The following TM9SF3 variants were observed in gnomAD, a reference collection of about 807,000 sequenced individuals.
TM9SF3 encodes the protein SM-11044-binding protein.
A neutral mutation model predicts 78.6 loss-of-function variants in TM9SF3; 14 were observed. The observed-to-expected ratio is 0.18, with a 90% CI of 0.12 to 0.28. The LOEUF (loss-of-function observed/expected upper bound fraction) is 0.28, where lower values mean the gene tolerates loss of function less well. TM9SF3 is among the 10% of genes least tolerant of loss of function. TM9SF3 has a pLI of 1.00. For synonymous variants in TM9SF3, 231 were observed against 241.7 expected, an observed-to-expected ratio of 0.96 and a Z score of 0.41; for missense variants, 496 against 721.9, an observed-to-expected ratio of 0.69 and a Z score of 3.59.
rs1399214633 is a variant in TM9SF3 at position 96,552,853 on chromosome 10, G to A, written c.792+75C>T. 4 of 1,309,138 alleles carry A rather than the reference G, an allele frequency of 3.1e-6. No individual in the cohort carries two copies. In the East Asian group the frequency reaches 1.1e-4, roughly 37 times the overall value. 81.1% of individuals were successfully genotyped at this position (1,309,138 alleles called of 1,614,324 possible). A position where few individuals can be genotyped will look rare whatever the true frequency, so the allele number is the denominator to read the frequency against. On this transcript the variant is annotated intron_variant, in intron 6 of 14. Coordinates refer to ENST00000371142, the MANE Select transcript of TM9SF3 (RefSeq NM_020123.4). ...TCAAAGACTTCCGGTAAGAAATTAT[G>A]ACCTACCTCCCAACATTTAAAACTT... is the stretch of plus-strand genomic sequence containing the variant.
At position 96,519,276 on chromosome 10, in the gene TM9SF3, C is replaced by G. The variant is rs1311873738; in HGVS notation, c.*2987G>C. On this transcript the variant is annotated 3_prime_UTR_variant, in exon 15 of 15. Coordinates refer to ENST00000371142, the MANE Select transcript of TM9SF3 (RefSeq NM_020123.4). ...AAGAACTGGATTTTGCAGCAACCAA[C>G]TTTATAAAGAGGTCCATCCACTCTC... The G allele has an allele frequency of 6.6e-6, 1 of 151,964 alleles. No homozygotes were observed. The highest frequency in any genetic ancestry group is 1.5e-5 in the Non-Finnish European group (1 of 67,884). The allele number at this position is 151,964 out of a possible 1,614,324, so 9.4% of individuals were successfully genotyped here.
chr10:96,557,745 T>C (rs1848252928), intron 5 of TM9SF3, among the ~76,000 whole-genome samples: 1 of 152,220 alleles, frequency 6.6e-6, no homozygotes, highest in African/African-American at 2.4e-5. Flanking sequence ...ATCCACATTC[T>C]TTATTTCCTT....
chr10:96,550,234 T>C (rs1041033462), intron 7 of TM9SF3, among the ~76,000 whole-genome samples: 4 of 152,174 alleles, frequency 2.6e-5, no homozygotes, highest in African/African-American at 9.7e-5. Flanking sequence ...CTGAATACCT[T>C]CCACATGCAA....
rs1420084978 is a variant in TM9SF3, at chr10:96,520,277, TG to T, written c.*1985del. 1 of 151,814 alleles carries T rather than the reference TG, an allele frequency of 6.6e-6. No homozygotes were observed. Among genetic ancestry groups the T allele is most frequent in the African/African-American group, 2.4e-5 (1 of 41,400 alleles). 9.4% of individuals were successfully genotyped at this position (151,814 alleles called of 1,614,324 possible). On this transcript the variant is annotated 3_prime_UTR_variant, in exon 15 of 15. Transcript: ENST00000371142. ...AAGGCAAGTAAGAAGGAAGAGAAAA[TG>T]GAAGTACCAATAAATTATATTTAAT...
chr10:96,518,342 C>T lies in TM9SF3; in HGVS notation c.*3921G>A, dbSNP rs1463299465. The T allele has an allele frequency of 6.6e-6, 1 of 152,186 alleles. No homozygotes were observed. Among genetic ancestry groups the T allele is most frequent in the East Asian group, 1.9e-4 (1 of 5,206 alleles). 9.4% of individuals were successfully genotyped at this position (152,186 alleles called of 1,614,324 possible). A position where few individuals can be genotyped will look rare whatever the true frequency, so the allele number is the denominator to read the frequency against. On this transcript the variant is annotated 3_prime_UTR_variant, in exon 15 of 15. Transcript: ENST00000371142. The stretch of plus-strand genomic sequence containing the variant: ...TGTCCATGCTCTGTGGGGACTTACA[C>T]ATTCAAGTTTGACAGTTGAAAAACC...
In TM9SF3 at chr10:96,586,472, G is replaced by A. The variant is rs549567591; in HGVS notation, c.102+262C>T. Among the ~76,000 whole-genome samples the A allele has an allele frequency of 2.0e-5, 3 of 152,216 alleles. No individual in the cohort carries two copies. The South Asian group carries it at 6.2e-4, about 32-fold the overall frequency. Reference sequence around the variant, plus strand: ...GGCCCCAGGGTCCCAGGAACCCCGAGACCCTGGGGTGCGGCGCCACTGAGG... The same window carrying A: ...GGCCCCAGGGTCCCAGGAACCCCGAAACCCTGGGGTGCGGCGCCACTGAGG... On this transcript the variant is annotated intron_variant, in intron 1 of 14. Transcript: ENST00000371142.
intron 8 of TM9SF3, among the ~76,000 whole-genome samples, chr10:96,544,507 A>AG (rs1378895866): frequency 6.6e-6 from 1 of 152,138 alleles, no homozygotes; most frequent in Non-Finnish European, 1.5e-5. Context: ...TGGCCTAGAA[A>AG]GGGGTTTTTA....
intron 9 of TM9SF3, among the ~76,000 whole-genome samples, chr10:96,542,255 T>C (rs1289181048): frequency 1.3e-5 from 2 of 152,264 alleles, no homozygotes; most frequent in Admixed American, 6.5e-5. Flanking sequence ...ACACACCTAA[T>C]TAAAACATGA....
chr10:96,586,721 CGG>C lies in TM9SF3; in HGVS notation c.102+11_102+12del. ...GCTAGCCCGGGGCGGCCGCGCCGGC[CGG>C]GGCGCCTCACCGTGTGTTCGTGCTC... On this transcript the variant is annotated intron_variant, in intron 1 of 14. Transcript: ENST00000371142. 8.2e-7 allele frequency: 1 copy of C among 1,222,960 alleles called. No homozygotes were observed. The highest frequency in any genetic ancestry group is 1.0e-6 in the Non-Finnish European group (1 of 982,062). The allele number at this position is 1,222,960 out of a possible 1,614,324, so 75.8% of individuals were successfully genotyped here. A position where few individuals can be genotyped will look rare whatever the true frequency, so the allele number is the denominator to read the frequency against.
chr10:96,543,404 G>A (rs1374135704), intron 9 of TM9SF3, among the ~76,000 whole-genome samples: 4 of 144,932 alleles, frequency 2.8e-5, no homozygotes, highest in African/African-American at 7.7e-5. Context: ...GCGTGATCTC[G>A]GCTCACTGCA....
chr10:96,532,381 T>G (rs1217926916), intron 10 of TM9SF3, among the ~76,000 whole-genome samples: 1 of 151,724 alleles, frequency 6.6e-6, no homozygotes, highest in African/African-American at 2.4e-5. Flanking sequence ...CATGCCTCCA[T>G]GTCTAGAAGG....
chr10:96,580,224 G>C (rs7087748), intron 1 of TM9SF3, among the ~76,000 whole-genome samples: 3,077 of 152,138 alleles, frequency 0.02, 117 homozygotes, highest in African/African-American at 0.071. Context: ...TGGCCAAAAC[G>C]GTTTATGATA....
chr10:96,520,669 T>C lies in TM9SF3; in HGVS notation c.*1594A>G. The stretch of plus-strand genomic sequence containing the variant: ...ATAGTTCCAGAAAAATGTATTCAAA[T>C]CACTTCTCTTACAAAACTGTAACCT... On this transcript the variant is annotated 3_prime_UTR_variant, in exon 15 of 15. Transcript: ENST00000371142. 2.6e-6 allele frequency: 1 copy of C among 384,496 alleles called. No individual in the cohort carries two copies. The highest frequency in any genetic ancestry group is 4.6e-6 in the Non-Finnish European group (1 of 216,554). The allele number at this position is 384,496 out of a possible 1,614,324, so 23.8% of individuals were successfully genotyped here. A position where few individuals can be genotyped will look rare whatever the true frequency, so the allele number is the denominator to read the frequency against.
Position 96,518,750 on chromosome 10 carries a change from C to T in TM9SF3, c.*3513G>A, listed in dbSNP as rs1300848065. 6.6e-5 allele frequency: 10 copies of T among 152,134 alleles called. No individual in the cohort carries two copies. The highest frequency in any genetic ancestry group is 5.9e-4 in the Admixed American group (9 of 15,262). The allele number at this position is 152,134 out of a possible 1,614,324, so 9.4% of individuals were successfully genotyped here. A position where few individuals can be genotyped will look rare whatever the true frequency, so the allele number is the denominator to read the frequency against. On this transcript the variant is annotated 3_prime_UTR_variant, in exon 15 of 15. Coordinates refer to ENST00000371142, the MANE Select transcript of TM9SF3 (RefSeq NM_020123.4). Reference sequence around the variant, plus strand: ...TTCTGCAGGTTCATATGTTAACGTTCTGATCTAGCCTACCTGTAAGTCTAG... The same window carrying T: ...TTCTGCAGGTTCATATGTTAACGTTTTGATCTAGCCTACCTGTAAGTCTAG...
At chr10:96,535,033 C>T (rs1486403407) in intron 9 of TM9SF3, among the ~76,000 whole-genome samples, 2 of 152,184 alleles carry the variant, frequency 1.3e-5, no homozygotes, top group Non-Finnish European at 2.9e-5. Context: ...AAAAGTACTA[C>T]TACAGCACAA....
intron 2 of TM9SF3, among the ~76,000 whole-genome samples, chr10:96,566,183 T>C (rs1398057871): frequency 6.6e-6 from 1 of 152,170 alleles, no homozygotes. Context: ...TTTTGGTATA[T>C]TAAGCAATTA....
Position 96,586,818 on chromosome 10 carries a change from G to T in TM9SF3, c.18C>A (p.Gly6=). The change falls in exon 1 of 15, where the codon GGC becomes GGA. Residue 6 remains glycine (G), a synonymous_variant. Coordinates refer to ENST00000371142, the MANE Select transcript of TM9SF3 (RefSeq NM_020123.4). The part of the protein sequence containing the change: MRPLP[G]ALGVAAAAAL... The stretch of plus-strand genomic sequence containing the variant: ...CGGCGGCCGCCGCCACGCCAAGAGC[G>T]CCAGGCAGCGGCCTCATCCTCCGCG... The T allele has an allele frequency of 1.6e-6, 2 of 1,255,264 alleles. No homozygotes were observed. The highest frequency in any genetic ancestry group is 3.3e-5 in the East Asian group (1 of 30,064). The allele number at this position is 1,255,264 out of a possible 1,614,324, so 77.8% of individuals were successfully genotyped here.
chr10:96,520,714 T>TAA lies in TM9SF3; in HGVS notation c.*1548_*1549insTT, dbSNP rs879401636. ...TAACCTTTATTTGTTGATCCAACAG[T>TAA]ACGTTAACCACTTTTACCCCATCCC... On this transcript the variant is annotated 3_prime_UTR_variant, in exon 15 of 15. Transcript: ENST00000371142. 2.6e-6 allele frequency: 1 copy of TAA among 391,688 alleles called. No homozygotes were observed. Among genetic ancestry groups the TAA allele is most frequent in the Non-Finnish European group, 4.5e-6 (1 of 221,420 alleles). 24.3% of individuals were successfully genotyped at this position (391,688 alleles called of 1,614,324 possible). A position where few individuals can be genotyped will look rare whatever the true frequency, so the allele number is the denominator to read the frequency against.
chr10:96,549,817 T>TA (rs35197761), intron 7 of TM9SF3, among the ~76,000 whole-genome samples: 1 of 140,450 alleles, frequency 7.1e-6, no homozygotes, highest in African/African-American at 2.7e-5. Flanking sequence ...TTCTGCATTT[T>TA]AAAAAAAAAA....
Sources: gnomAD v4.1 joint callset for allele counts (sites outside exome capture counted in the v4.1 genomes callset) on GRCh38, gnomAD v4.1.1 for gene constraint, MANE v1.5 for transcripts, NCBI Gene and HGNC (gene_info 2026-07-23, HGNC 2026-07-21) for gene names.